ATP6V0D2: variants seen among roughly 807,000 people sequenced by gnomAD.
ATP6V0D2 encodes the protein V-type proton ATPase subunit d 2.
In ATP6V0D2, 40 loss-of-function variants were observed where a neutral mutation model predicts 40.0. The observed-to-expected ratio is 1.00, with a 90% CI of 0.78 to 1.30. ATP6V0D2 has a LOEUF of 1.30. Among genes scored for constraint, ATP6V0D2 ranks in the 50% most tolerant of loss-of-function variants. ATP6V0D2 has a pLI of 0.00. For synonymous variants in ATP6V0D2, 179 were observed against 156.3 expected (o/e 1.15, Z -1.08); for missense variants, 470 against 423.1 (o/e 1.11, Z -0.97).
intron 2 of ATP6V0D2, among the ~76,000 whole-genome samples, chr8:86,124,161 A>G (rs779987401): frequency 1.3e-5 from 2 of 152,180 alleles, no homozygotes; most frequent in South Asian, 4.1e-4. Context: ...TTCAATGGGA[A>G]TAGTCAAAGG....
chr8:86,103,689 C>A (rs900522853), intron 1 of ATP6V0D2, among the ~76,000 whole-genome samples: 1 of 152,064 alleles, frequency 6.6e-6, no homozygotes, highest in Non-Finnish European at 1.5e-5. Context: ...AAAATGAGAA[C>A]CCCTTAAGGA....
chr8:86,122,481 G>C (rs1307484511), intron 2 of ATP6V0D2, among the ~76,000 whole-genome samples: 1 of 152,138 alleles, frequency 6.6e-6, no homozygotes, highest in Non-Finnish European at 1.5e-5. Flanking sequence ...TTTACCCAAA[G>C]TGTTTCCCAG....
intron 5 of ATP6V0D2, among the ~76,000 whole-genome samples, chr8:86,144,177 T>C (rs1006742938): frequency 6.6e-6 from 1 of 152,236 alleles, no homozygotes; most frequent in Non-Finnish European, 1.5e-5. Context: ...TGCATAAGAA[T>C]GTTGACCTGC....
chr8:86,142,278 G>A (rs2721253), intron 4 of ATP6V0D2, among the ~76,000 whole-genome samples: 131,100 of 152,234 alleles, frequency 0.86, 56,630 homozygotes, highest in Middle Eastern at 0.91. Flanking sequence ...AGAAGGCACC[G>A]TTCTAAGCAA....
At chr8:86,112,511 T>C (rs1237836664) in intron 1 of ATP6V0D2, among the ~76,000 whole-genome samples, 1 of 152,124 alleles carries the variant, frequency 6.6e-6, no homozygotes, top group African/African-American at 2.4e-5. Flanking sequence ...TTTTACCTCA[T>C]AAAATTGCCA....
At chr8:86,149,072 A>AC (rs1819109126) in intron 5 of ATP6V0D2, among the ~76,000 whole-genome samples, 1 of 150,096 alleles carries the variant, frequency 6.7e-6, no homozygotes, top group Non-Finnish European at 1.5e-5. Flanking sequence ...AAAAAAAAAA[A>AC]AAACCAATGA....
At chr8:86,126,240 A>ATATATATATATATATATATATATC in intron 2 of ATP6V0D2, among the ~76,000 whole-genome samples, 1 of 90,520 alleles carries the variant, frequency 1.1e-5, no homozygotes. Flanking sequence ...CTCAGCCTAT[A>ATATATATATATATATATATATATC]TATATATATA....
At chr8:86,145,303 AAG>A (rs1275401789) in intron 5 of ATP6V0D2, among the ~76,000 whole-genome samples, 1 of 108,284 alleles carries the variant, frequency 9.2e-6, no homozygotes, top group African/African-American at 3.4e-5. Context: ...GAAAGAAAGA[AAG>A]AAAGAAAAGA....
intron 2 of ATP6V0D2, among the ~76,000 whole-genome samples, chr8:86,128,362 TAAACAAAC>T (rs149994657): frequency 2.0e-5 from 3 of 151,618 alleles, no homozygotes; most frequent in African/African-American, 7.3e-5. Context: ...AATAAATAAA[TAAACAAAC>T]AAACAAACAA....
chr8:86,152,513 T>C (rs575411806), intron 7 of ATP6V0D2, among the ~76,000 whole-genome samples: 6 of 152,348 alleles, frequency 3.9e-5, no homozygotes, highest in African/African-American at 1.4e-4. Flanking sequence ...TCTTCCACAA[T>C]GGTTGAACTA....
rs546377557 is a variant in ATP6V0D2, at chr8:86,138,272, G to A, written c.303-1185G>A. 3.3e-5 allele frequency among the ~76,000 whole-genome samples: 5 copies of A among 152,286 alleles called. No homozygotes were observed. The East Asian group carries it at 9.7e-4, about 29-fold the overall frequency. On this transcript the variant is annotated intron_variant, in intron 2 of 7. Coordinates refer to ENST00000285393, the MANE Select transcript of ATP6V0D2 (RefSeq NM_152565.1). Reference sequence around the variant, plus strand: ...TAATTCTTCAAGTTTCTACTTGACTGTCATTTCTCTAGCAAGTCTAATTCC... The same window carrying A: ...TAATTCTTCAAGTTTCTACTTGACTATCATTTCTCTAGCAAGTCTAATTCC...
chr8:86,126,931 C>T (rs1818753357), intron 2 of ATP6V0D2, among the ~76,000 whole-genome samples: 1 of 152,140 alleles, frequency 6.6e-6, no homozygotes, highest in African/African-American at 2.4e-5. Context: ...CAACCAAGGG[C>T]TTGGGAAATG....
At chr8:86,139,420 A>G in intron 2 of ATP6V0D2, 37 bp from the exon 3 acceptor site, 1 of 1,550,746 alleles carries the variant, frequency 6.4e-7, no homozygotes, top group Non-Finnish European at 8.7e-7. Flanking sequence ...ATCCTTTTGC[A>G]GCTGTCCTCT....
Position 86,139,555 on chromosome 8 carries a change from G to A in ATP6V0D2, c.401G>A (p.Arg134His), listed in dbSNP as rs963094535. The A allele has an allele frequency of 3.0e-5, 48 of 1,613,574 alleles. No homozygotes were observed. Among genetic ancestry groups the A allele is most frequent in the Admixed American group, 6.7e-5 (4 of 59,880 alleles). Residue 134 changes from arginine to histidine, a missense_variant, in exon 3 of 8, where the codon CGT becomes CAT. Physicochemically the swap from Arg to His is conservative, Grantham distance 29 (BLOSUM62 0). Coordinates refer to ENST00000285393, the MANE Select transcript of ATP6V0D2 (RefSeq NM_152565.1). ...EILGKCHPLG[R>H]FTEMEAVNIA... ...CTGGGGAAGTGCCACCCCTTGGGCCGTTTCACAGAAATGGAAGCTGTCAAC... is the reference window on the plus strand; with the variant it reads ...CTGGGGAAGTGCCACCCCTTGGGCCATTTCACAGAAATGGAAGCTGTCAAC...
chr8:86,120,464 G>T (rs1818654351), intron 2 of ATP6V0D2, among the ~76,000 whole-genome samples: 1 of 152,092 alleles, frequency 6.6e-6, no homozygotes, highest in African/African-American at 2.4e-5. Context: ...TGCACCTGTA[G>T]TCCCAGTTTC....
intron 5 of ATP6V0D2, among the ~76,000 whole-genome samples, chr8:86,145,194 G>C (rs1340732987): frequency 9.4e-5 from 1 of 10,594 alleles, no homozygotes; most frequent in Admixed American, 1.5e-3. Flanking sequence ...AAGAAAGAAA[G>C]AAAAGAAAGA....
At chr8:86,114,469 A>G (rs1818567661) in intron 2 of ATP6V0D2, among the ~76,000 whole-genome samples, 1 of 152,150 alleles carries the variant, frequency 6.6e-6, no homozygotes, top group South Asian at 2.1e-4. Flanking sequence ...CAGGAATTCG[A>G]GACCAGCCTG....
intron 2 of ATP6V0D2, among the ~76,000 whole-genome samples, chr8:86,122,970 T>C (rs749756330): frequency 5.9e-5 from 9 of 152,158 alleles, no homozygotes; most frequent in Admixed American, 2.0e-4. Context: ...AGGAAGGCTT[T>C]CAGAAAATAC....
At chr8:86,143,000 C>T (rs1234157651) in intron 5 of ATP6V0D2, 46 bp downstream of exon 5, 3 of 1,351,580 alleles carry the variant, frequency 2.2e-6, no homozygotes, top group East Asian at 4.6e-5. Context: ...AAGGTGCTTA[C>T]ATATTTTTAT....
Sources: allele counts gnomAD v4.1 joint callset (sites outside exome capture counted in the v4.1 genomes callset), GRCh38; gene constraint gnomAD v4.1.1; transcripts MANE v1.5; gene names NCBI Gene and HGNC (gene_info 2026-07-23, HGNC 2026-07-21).